SMIM36: variants seen among roughly 807,000 people sequenced by gnomAD.
SMIM36 encodes small integral membrane protein 36.
At chr17:55,482,485 C>A (rs1160473075) in intron 1 of SMIM36, among the ~76,000 whole-genome samples, 1 of 152,212 alleles carries the variant, frequency 6.6e-6, no homozygotes, top group Admixed American at 6.5e-5. Flanking sequence ...CTTTTCAATT[C>A]AAATCTTATA....
intron 1 of SMIM36, among the ~76,000 whole-genome samples, chr17:55,500,728 A>ATAATAT (rs1909895226): frequency 6.1e-5 from 3 of 49,244 alleles, no homozygotes; most frequent in East Asian, 7.6e-4. Context: ...AATTTTTAAA[A>ATAATAT]GAACATTCAT....
chr17:55,471,828 C>A (rs1029405945), intron 3 of SMIM36, among the ~76,000 whole-genome samples: 1 of 152,172 alleles, frequency 6.6e-6, no homozygotes, highest in African/African-American at 2.4e-5. Context: ...AAGAACTTGA[C>A]CTCACAGTTC....
At chr17:55,471,631 T>C (rs949867356) in intron 3 of SMIM36, among the ~76,000 whole-genome samples, 2 of 152,198 alleles carry the variant, frequency 1.3e-5, no homozygotes, top group African/African-American at 2.4e-5. Context: ...ACTTAAATGA[T>C]CCCATAGACC....
At chr17:55,484,698 A>T (rs114317613) in intron 1 of SMIM36, among the ~76,000 whole-genome samples, 149 of 152,246 alleles carry the variant, frequency 9.8e-4, no homozygotes, top group African/African-American at 3.5e-3. Context: ...AAAAAGACAA[A>T]CTCCCAATGG....
At chr17:55,501,398 ATAT>A (rs1452725852) in intron 1 of SMIM36, among the ~76,000 whole-genome samples, 249 of 19,146 alleles carry the variant, frequency 0.013, 13 homozygotes, top group African/African-American at 0.026. Flanking sequence ...AATATATTAT[ATAT>A]TATTATATAT....
chr17:55,480,032 T>C (rs1321779095), intron 1 of SMIM36, among the ~76,000 whole-genome samples: 1 of 152,110 alleles, frequency 6.6e-6, no homozygotes, highest in Admixed American at 6.6e-5. Context: ...TCCCTCTGTG[T>C]AGCAGGGAAA....
rs528268322 is a variant in SMIM36, at chr17:55,476,644, T to C, written c.*347+2118A>G. Among the ~76,000 whole-genome samples the C allele has an allele frequency of 1.5e-4, 23 of 152,228 alleles. No individual in the cohort carries two copies. The East Asian group carries it at 4.4e-3, about 29-fold the overall frequency. On this transcript the variant is annotated intron_variant, in intron 3 of 4. Transcript: ENST00000636752. ...GTGCAGTGGCATGAAATCGGCTCACTGCAACCTCCACCTCCCGGGTTCAAA... is the reference window on the plus strand; with the variant it reads ...GTGCAGTGGCATGAAATCGGCTCACCGCAACCTCCACCTCCCGGGTTCAAA...
chr17:55,487,874 T>C lies in SMIM36; in HGVS notation c.*175-8294A>G, dbSNP rs952159531. 7.2e-5 allele frequency among the ~76,000 whole-genome samples: 11 copies of C among 152,264 alleles called. No homozygotes were observed. The East Asian group carries it at 2.1e-3, about 29-fold the overall frequency. ...TACTTGGAGGAGTGCCGACAGCCTT[T>C]GCTGTTTCGTGGCAAATGGCTAAAA... On this transcript the variant is annotated intron_variant, in intron 1 of 4. Transcript: ENST00000636752.
At chr17:55,508,897 T>C (rs1455257262) in intron 1 of SMIM36, among the ~76,000 whole-genome samples, 1 of 129,080 alleles carries the variant, frequency 7.7e-6, no homozygotes, top group Non-Finnish European at 1.6e-5. Flanking sequence ...CACTTCAGCC[T>C]GGGTGATAAG....
the SMIM36 span, chr17:55,527,612 T>C: frequency 2.6e-5 from 4 of 152,148 alleles, no homozygotes; most frequent in African/African-American, 4.8e-5. Context: ...CAATTTGAAG[T>C]ATCTTTTTCC....
At chr17:55,463,236 G>T (rs1281104454) in intron 4 of SMIM36, among the ~76,000 whole-genome samples, 1 of 151,862 alleles carries the variant, frequency 6.6e-6, no homozygotes, top group East Asian at 1.9e-4. Flanking sequence ...TATAAATTAG[G>T]CACAGTAAGA....
the SMIM36 span, among the ~76,000 whole-genome samples, chr17:55,529,885 T>A: frequency 6.6e-6 from 1 of 152,244 alleles, no homozygotes; most frequent in South Asian, 2.1e-4. Flanking sequence ...CAAATACAGT[T>A]CAGCTGTAGC....
At chr17:55,476,419 A>C (rs540538320) in intron 3 of SMIM36, among the ~76,000 whole-genome samples, 24 of 151,516 alleles carry the variant, frequency 1.6e-4, no homozygotes, top group African/African-American at 4.8e-4. Flanking sequence ...CCCTTTGCTG[A>C]CTCCTTTTTT....
chr17:55,472,783 G>T (rs1424400672), intron 3 of SMIM36, among the ~76,000 whole-genome samples: 1 of 151,064 alleles, frequency 6.6e-6, no homozygotes, highest in Non-Finnish European at 1.5e-5. Flanking sequence ...CAGGAGAATT[G>T]CTTGAAACCG....
At chr17:55,455,280 G>A (rs1383453845) in intron 4 of SMIM36, among the ~76,000 whole-genome samples, 1 of 152,062 alleles carries the variant, frequency 6.6e-6, no homozygotes, top group African/African-American at 2.4e-5. Flanking sequence ...ATCCTCATCT[G>A]GTCTCCGATG....
At chr17:55,491,324 C>T (rs1032385625) in intron 1 of SMIM36, among the ~76,000 whole-genome samples, 1 of 148,648 alleles carries the variant, frequency 6.7e-6, no homozygotes, top group African/African-American at 2.5e-5. Context: ...AATAATCACA[C>T]AAATGCTACT....
chr17:55,521,324 C>T, the SMIM36 span, among the ~76,000 whole-genome samples: 9 of 152,268 alleles, frequency 5.9e-5, no homozygotes, highest in Non-Finnish European at 8.8e-5. Context: ...AGAACCCTTA[C>T]AAAAAATAAT....
intron 3 of SMIM36, 29 bp downstream of exon 3, chr17:55,478,733 T>C (rs537695699): frequency 5.9e-5 from 9 of 152,284 alleles, no homozygotes; most frequent in East Asian, 1.9e-4. Context: ...ATGGGGTTGG[T>C]TGGGAAAACT....
At chr17:55,469,776 G>A (rs1182515036) in intron 3 of SMIM36, among the ~76,000 whole-genome samples, 1 of 152,102 alleles carries the variant, frequency 6.6e-6, no homozygotes, top group Non-Finnish European at 1.5e-5. Context: ...TCAGGAGTTC[G>A]AGACAAGCCT....
Sources: allele counts gnomAD v4.1 joint callset (sites outside exome capture counted in the v4.1 genomes callset), GRCh38; gene constraint gnomAD v4.1.1; transcripts MANE v1.5; gene names NCBI Gene and HGNC (gene_info 2026-07-23, HGNC 2026-07-21).